Variants in SLC16A11 observed in about 807,000 individuals in gnomAD.
SLC16A11 encodes solute carrier family 16 member 11.
A neutral mutation model predicts 26.0 loss-of-function variants in SLC16A11; 24 were observed. The ratio of observed to expected loss-of-function variants is 0.92; its 90% CI spans 0.67 to 1.30. The LOEUF (loss-of-function observed/expected upper bound fraction) is 1.30, where lower values mean the gene tolerates loss of function less well. SLC16A11 is among the 50% of genes most tolerant of loss of function. The pLI is 0.00. For synonymous variants in SLC16A11, 332 were observed against 296.0 expected (o/e 1.12, Z -1.25); for missense variants, 638 against 597.7 (o/e 1.07, Z -0.70).
At position 7,043,001 on chromosome 17, in the gene SLC16A11, G is replaced by A. The variant is rs368346684; in HGVS notation, c.275C>T (p.Ser92Leu). Reference sequence around the variant, plus strand: ...GAAAGCCGAGAAGACGAAGCCCAGCGAGGCGAGGACGCCCCCAACCATCAC... The same window carrying A: ...GAAAGCCGAGAAGACGAAGCCCAGCAAGGCGAGGACGCCCCCAACCATCAC... Reference protein sequence around the residue: ...PVVMVGGVLASLGFVFSAFAS... With the variant: ...PVVMVGGVLALLGFVFSAFAS... The change falls in exon 3 of 5, where the codon TCG becomes TTG. Residue 92 changes from serine to leucine, a missense_variant. Physicochemically the swap from Ser to Leu is moderately radical, Grantham distance 145 (BLOSUM62 -2). Transcript: ENST00000574600. 76 of 1,605,566 alleles carry A rather than the reference G, an allele frequency of 4.7e-5. No homozygotes were observed. In the African/African-American group the frequency reaches 8.1e-4, roughly 17 times the overall value.
Position 7,042,393 on chromosome 17 carries a change from C to T in SLC16A11, c.717G>A (p.Val239=). 6.4e-7 allele frequency: 1 copy of T among 1,564,932 alleles called. No homozygotes were observed. Residue 239 remains valine, a synonymous_variant, in exon 4 of 5, where the codon GTG becomes GTA. Transcript: ENST00000574600. The surrounding 1 kb of genome is among the most constrained non-coding windows in gnomAD (Gnocchi z 5.9). Reference sequence around the variant, plus strand: ...GGTCTAAAGCGTGGGGAGCCAAGTGCACGTAAGGAACGAAGTACCCGCCCC... The same window carrying T: ...GGTCTAAAGCGTGGGGAGCCAAGTGTACGTAAGGAACGAAGTACCCGCCCC... ...LVGGGYFVPY[V]HLAPHALDRG... is the part of the protein sequence containing the mutation.
rs770939180 is a variant in SLC16A11, at chr17:7,042,756, A to C, written c.354T>G (p.Gly118=). The part of the protein sequence containing the change: ...YLGLGLLAGF[G]WALVFAPALG... ...GGGCGGGGGCGAACACCAGGGCCCA[A>C]CCAAAGCCTGCGAATGAATAGGAGG... Residue 118 remains glycine (G), a synonymous_variant, in exon 4 of 5, where the codon GGT becomes GGG. Transcript: ENST00000574600. The surrounding 1 kb of genome is among the most constrained non-coding windows in gnomAD (Gnocchi z 5.9). 1.8e-5 allele frequency: 28 copies of C among 1,537,948 alleles called. No homozygotes were observed. The South Asian group carries it at 3.1e-4, about 17-fold the overall frequency.
chr17:7,042,866 A>G lies in SLC16A11; in HGVS notation c.346+64T>C, dbSNP rs1597347605. 9 of 1,605,762 alleles carry G rather than the reference A, an allele frequency of 5.6e-6. No homozygotes were observed. The East Asian group carries it at 1.6e-4, about 28-fold the overall frequency. Reference sequence around the variant, plus strand: ...AGGCCCCCGCCTCGTTCGCTACCCCAGATCCCAACAAGCTCCTGTCACCTC... The same window carrying G: ...AGGCCCCCGCCTCGTTCGCTACCCCGGATCCCAACAAGCTCCTGTCACCTC... On this transcript the variant is annotated intron_variant, in intron 3 of 4. Coordinates refer to ENST00000574600, the MANE Select transcript of SLC16A11 (RefSeq NM_001370549.1). The surrounding 1 kb of genome is among the most constrained non-coding windows in gnomAD (Gnocchi z 5.9).
In SLC16A11 at chr17:7,042,837, C is replaced by T. The variant is rs1413740101; in HGVS notation, c.347-74G>A. On this transcript the variant is annotated intron_variant, in intron 3 of 4. Transcript: ENST00000574600. The surrounding 1 kb of genome is among the most constrained non-coding windows in gnomAD (Gnocchi z 5.9). The stretch of plus-strand genomic sequence containing the variant: ...CCAGCATTCCCAGCCCGGCTCTCCG[C>T]ACCAGGCCCCCGCCTCGTTCGCTAC... The T allele has an allele frequency of 6.3e-7, 1 of 1,578,044 alleles. No homozygotes were observed. The highest frequency in any genetic ancestry group is 1.1e-5 in the South Asian group (1 of 87,456).
rs565123298 is a variant in SLC16A11 at position 7,043,107 on chromosome 17, C to T, written c.203-34G>A. The T allele has an allele frequency of 5.9e-4, 887 of 1,493,838 alleles. 14 individuals are homozygous for T. In the South Asian group the frequency reaches 0.011, roughly 19 times the overall value. 92.5% of individuals were successfully genotyped at this position (1,493,838 alleles called of 1,614,324 possible). Reference sequence around the variant, plus strand: ...GGGCGGAGTCAACGGAAGACACGCCCCCGGGCCCCCAAACTCTCTCCAACA... The same window carrying T: ...GGGCGGAGTCAACGGAAGACACGCCTCCGGGCCCCCAAACTCTCTCCAACA... On this transcript the variant is annotated intron_variant, in intron 2 of 4. Coordinates refer to ENST00000574600, the MANE Select transcript of SLC16A11 (RefSeq NM_001370549.1).
At chr17:7,043,215 C>A (rs1206621474) in intron 2 of SLC16A11, 97 bp downstream of exon 2, 5 of 1,501,488 alleles carry the variant, frequency 3.3e-6, no homozygotes, top group Non-Finnish European at 4.4e-6. Context: ...AGCCGGTTGC[C>A]CTTTCTCAGG....
chr17:7,042,687 C>A lies in SLC16A11; in HGVS notation c.423G>T (p.Ala141=), dbSNP rs1355522786. 1.3e-6 allele frequency: 2 copies of A among 1,552,252 alleles called. No individual in the cohort carries two copies. Among genetic ancestry groups the A allele is most frequent in the Non-Finnish European group, 1.7e-6 (2 of 1,152,892 alleles). ...SRYFSRRRVL[A]VGLALTGNGA... ...CGTTGCCGGTGAGCGCCAGCCCCAC[C>A]GCCAAGACTCGACGGCGGGAGAAGT... Residue 141 remains alanine (A), a synonymous_variant, in exon 4 of 5, where the codon GCG becomes GCT. Coordinates refer to ENST00000574600, the MANE Select transcript of SLC16A11 (RefSeq NM_001370549.1). The surrounding 1 kb of genome is among the most constrained non-coding windows in gnomAD (Gnocchi z 5.9).
rs1314209945 is a variant in SLC16A11 at position 7,042,276 on chromosome 17, G to T, written c.834C>A (p.Asp278Glu). 1.3e-6 allele frequency: 2 copies of T among 1,571,158 alleles called. No individual in the cohort carries two copies. Among genetic ancestry groups the T allele is most frequent in the Admixed American group, 3.6e-5 (2 of 55,254 alleles). ...GCCGCGGGAGGGGCACCCAGCCTTG[G>T]TCTGCCAGCCACCCGCAGACCAGCC... ...GARLVCGWLA[D>E]QGWVPLPRLL... The change falls in exon 4 of 5, where the codon GAC becomes GAA. Residue 278 changes from aspartate to glutamate, a missense_variant. Asp to Glu is a conservative substitution (Grantham distance 45). Transcript: ENST00000574600. This position sits in a 1 kb window ranked among gnomAD's most constrained non-coding sequence, Gnocchi z 5.9.
In SLC16A11 at chr17:7,043,487, C is replaced by A; in HGVS notation, c.27G>T (p.Pro9=). 2 of 1,598,286 alleles carry A rather than the reference C, an allele frequency of 1.3e-6. No homozygotes were observed. Among genetic ancestry groups the A allele is most frequent in the South Asian group, 2.2e-5 (2 of 90,736 alleles). MTPQPAGP[P]DGGWGWVVAA... is the part of the protein sequence containing the mutation. Reference sequence around the variant, plus strand: ...CCACCACCCAGCCCCAGCCCCCATCCGGGGGTCCGGCGGGCTGGGGGGTCA... The same window carrying A: ...CCACCACCCAGCCCCAGCCCCCATCAGGGGGTCCGGCGGGCTGGGGGGTCA... The change falls in exon 2 of 5, where the codon CCG becomes CCT. Residue 9 remains proline (P), a synonymous_variant. Coordinates refer to ENST00000574600, the MANE Select transcript of SLC16A11 (RefSeq NM_001370549.1).
At position 7,042,334 on chromosome 17, in the gene SLC16A11, A is replaced by C; in HGVS notation, c.776T>G (p.Val259Gly). The change falls in exon 4 of 5, where the codon GTG becomes GGG. Residue 259 changes from valine (V) to glycine (G), a missense_variant. Coordinates refer to ENST00000574600, the MANE Select transcript of SLC16A11 (RefSeq NM_001370549.1). The surrounding 1 kb of genome is among the most constrained non-coding windows in gnomAD (Gnocchi z 5.9). ...CGCATCCCCCATCGCAGCCACGGCC[A>C]CCACCAGCGCTGCTCCGTATCCCCC... ...GLGGYGAALVVAVAAMGDAGA... is the reference protein window; with the variant it reads ...GLGGYGAALVGAVAAMGDAGA... The C allele has an allele frequency of 6.4e-7, 1 of 1,550,780 alleles. No individual in the cohort carries two copies. Among genetic ancestry groups the C allele is most frequent in the African/African-American group, 1.4e-5 (1 of 73,340 alleles).
At position 7,042,209 on chromosome 17, in the gene SLC16A11, C is replaced by A. The variant is rs1910775703; in HGVS notation, c.901G>T (p.Val301Leu). The A allele has an allele frequency of 4.4e-6, 7 of 1,573,818 alleles. No homozygotes were observed. Among genetic ancestry groups the A allele is most frequent in the Non-Finnish European group, 6.0e-6 (7 of 1,161,220 alleles). ...FGALTGLGLW[V>L]VGLVPVVGGE... ...CCCACCACGGGCACCAGCCCCACCA[C>A]CCACAGCCCCAGCCCAGTCAGAGCC... The change falls in exon 4 of 5, where the codon GTG becomes TTG. Residue 301 changes from valine (V) to leucine (L), a missense_variant. Coordinates refer to ENST00000574600, the MANE Select transcript of SLC16A11 (RefSeq NM_001370549.1). The surrounding 1 kb of genome is among the most constrained non-coding windows in gnomAD (Gnocchi z 5.9).
rs1442055165 is a variant in SLC16A11, at chr17:7,042,349, C to T, written c.761G>A (p.Gly254Glu). The change falls in exon 4 of 5, where the codon GGA becomes GAA. Residue 254 changes from glycine to glutamate, a missense_variant. Coordinates refer to ENST00000574600, the MANE Select transcript of SLC16A11 (RefSeq NM_001370549.1). The surrounding 1 kb of genome is among the most constrained non-coding windows in gnomAD (Gnocchi z 5.9). ...AGCCACGGCCACCACCAGCGCTGCT[C>T]CGTATCCCCCCAGGCCCCGGTCTAA... The part of the protein sequence containing the change: ...HALDRGLGGY[G>E]AALVVAVAAM... 1.3e-6 allele frequency: 2 copies of T among 1,558,746 alleles called. No individual in the cohort carries two copies. Among genetic ancestry groups the T allele is most frequent in the South Asian group, 2.4e-5 (2 of 84,808 alleles).
Position 7,042,993 on chromosome 17 carries a change from A to G in SLC16A11, c.283T>C (p.Phe95Leu). The change falls in exon 3 of 5, where the codon TTC becomes CTC. Residue 95 changes from phenylalanine (F) to leucine (L), a missense_variant. Phe to Leu is a conservative substitution (Grantham distance 22). Transcript: ENST00000574600. The surrounding 1 kb of genome is among the most constrained non-coding windows in gnomAD (Gnocchi z 5.9). ...MVGGVLASLG[F>L]VFSAFASDLL... ...TCGCTGGCGAAAGCCGAGAAGACGA[A>G]GCCCAGCGAGGCGAGGACGCCCCCA... 6.2e-7 allele frequency: 1 copy of G among 1,609,428 alleles called. No homozygotes were observed. Among genetic ancestry groups the G allele is most frequent in the Admixed American group, 1.7e-5 (1 of 59,522 alleles).
At position 7,042,770 on chromosome 17, in the gene SLC16A11, A is replaced by G; in HGVS notation, c.347-7T>C. ...ACCAGGGCCCAACCAAAGCCTGCGA[A>G]TGAATAGGAGGGGATGGGGGCCGGC... On this transcript the variant is annotated splice_region_variant and splice_polypyrimidine_tract_variant and intron_variant, in intron 3 of 4. Coordinates refer to ENST00000574600, the MANE Select transcript of SLC16A11 (RefSeq NM_001370549.1). The surrounding 1 kb of genome is among the most constrained non-coding windows in gnomAD (Gnocchi z 5.9). 6.5e-7 allele frequency: 1 copy of G among 1,538,352 alleles called. No homozygotes were observed. The highest frequency in any genetic ancestry group is 8.7e-7 in the Non-Finnish European group (1 of 1,144,138).
rs1367121559 is a variant in SLC16A11, at chr17:7,043,492, G to T, written c.22C>A (p.Pro8Thr). The T allele has an allele frequency of 3.1e-6, 5 of 1,598,564 alleles. No homozygotes were observed. The highest frequency in any genetic ancestry group is 2.7e-5 in the African/African-American group (2 of 74,884). MTPQPAG[P>T]PDGGWGWVVA... ...ACCCAGCCCCAGCCCCCATCCGGGGGTCCGGCGGGCTGGGGGGTCATCGCC... is the reference window on the plus strand; with the variant it reads ...ACCCAGCCCCAGCCCCCATCCGGGGTTCCGGCGGGCTGGGGGGTCATCGCC... The change falls in exon 2 of 5, where the codon CCC becomes ACC. Residue 8 changes from proline to threonine, a missense_variant. Pro to Thr is a conservative substitution (Grantham distance 38). Coordinates refer to ENST00000574600, the MANE Select transcript of SLC16A11 (RefSeq NM_001370549.1).
rs1198781886 is a variant in SLC16A11, at chr17:7,042,904, T to TGA, written c.346+24_346+25dup. The TGA allele has an allele frequency of 1.2e-6, 2 of 1,612,390 alleles. No individual in the cohort carries two copies. Among genetic ancestry groups the TGA allele is most frequent in the South Asian group, 2.2e-5 (2 of 90,884 alleles). On this transcript the variant is annotated intron_variant, in intron 3 of 4. Transcript: ENST00000574600. The surrounding 1 kb of genome is among the most constrained non-coding windows in gnomAD (Gnocchi z 5.9). ...CTCCTGTCACCTCCTTCACCCTGAA[T>TGA]GACCCGGGCATCCCACTTCCCTCAC...
At position 7,042,571 on chromosome 17, in the gene SLC16A11, G is replaced by A; in HGVS notation, c.539C>T (p.Thr180Ile). The A allele has an allele frequency of 6.3e-7, 1 of 1,583,536 alleles. No individual in the cohort carries two copies. The highest frequency in any genetic ancestry group is 8.6e-7 in the Non-Finnish European group (1 of 1,167,456). ...GGCGCCACAGGGGGTGAGGTGGAGGGTGATCGCGCCGAGGAGGAGCAGAGC... is the reference window on the plus strand; with the variant it reads ...GGCGCCACAGGGGGTGAGGTGGAGGATGATCGCGCCGAGGAGGAGCAGAGC... ...RGALLLLGAI[T>I]LHLTPCGALL... is the part of the protein sequence containing the mutation. Residue 180 changes from threonine (T) to isoleucine (I), a missense_variant, in exon 4 of 5, where the codon ACC becomes ATC. Thr to Ile is a moderately conservative substitution (Grantham distance 89). Coordinates refer to ENST00000574600, the MANE Select transcript of SLC16A11 (RefSeq NM_001370549.1). The surrounding 1 kb of genome is among the most constrained non-coding windows in gnomAD (Gnocchi z 5.9).
Position 7,042,174 on chromosome 17 carries a change from C to T in SLC16A11, c.936G>A (p.Glu312=). ...CGGCCAGCAGGGGACCCCCCCAGCT[C>T]TCTTCGCCGCCCACCACGGGCACCA... is the stretch of plus-strand genomic sequence containing the variant. ...VGLVPVVGGE[E]SWGGPLLAAA... The change falls in exon 4 of 5, where the codon GAG becomes GAA. Residue 312 remains glutamate (E), a synonymous_variant. Transcript: ENST00000574600. The surrounding 1 kb of genome is among the most constrained non-coding windows in gnomAD (Gnocchi z 5.9). 1.3e-6 allele frequency: 2 copies of T among 1,570,002 alleles called. No individual in the cohort carries two copies. Among genetic ancestry groups the T allele is most frequent in the Non-Finnish European group, 1.7e-6 (2 of 1,159,512 alleles).
Position 7,042,934 on chromosome 17 carries a change from G to A in SLC16A11, c.342C>T (p.Leu114=), listed in dbSNP as rs201369015. 5.1e-5 allele frequency: 83 copies of A among 1,613,266 alleles called. 1 individual carries two copies. The African/African-American group carries it at 9.5e-4, about 18-fold the overall frequency. The change falls in exon 3 of 5, where the codon CTC becomes CTT. Residue 114 remains leucine (L), a synonymous_variant. Coordinates refer to ENST00000574600, the MANE Select transcript of SLC16A11 (RefSeq NM_001370549.1). The surrounding 1 kb of genome is among the most constrained non-coding windows in gnomAD (Gnocchi z 5.9). ...LLHLYLGLGL[L]AGFGWALVFA... The stretch of plus-strand genomic sequence containing the variant: ...CGGGCATCCCACTTCCCTCACCAGC[G>A]AGGAGGCCCAGGCCGAGGTAGAGAT...
Sources: allele counts gnomAD v4.1 joint callset, GRCh38; gene constraint gnomAD v4.1.1; non-coding constraint Gnocchi (gnomAD v3.1); transcripts MANE v1.5; gene names NCBI Gene and HGNC (gene_info 2026-07-23, HGNC 2026-07-21).